Variants in SMAD4 observed in about 807,000 individuals in gnomAD.
SMAD4 encodes the protein SMAD family member 4.
A neutral mutation model predicts 63.2 loss-of-function variants in SMAD4; 7 were observed. The ratio of observed to expected loss-of-function variants is 0.11; its 90% CI spans 0.06 to 0.21. The LOEUF (loss-of-function observed/expected upper bound fraction) is 0.21, where lower values mean the gene tolerates loss of function less well. Among genes scored for constraint, SMAD4 ranks in the 10% least tolerant of loss-of-function variants. The pLI, the probability that SMAD4 is intolerant of heterozygous loss-of-function variation, is 1.00. For synonymous variants in SMAD4, 215 were observed against 235.4 expected, an observed-to-expected ratio of 0.91 and a Z score of 0.79; for missense variants, 312 against 693.8, an observed-to-expected ratio of 0.45 and a Z score of 6.18.
At position 51,084,905 on chromosome 18, in the gene SMAD4, G is replaced by A. The variant is rs1465749394; in HGVS notation, c.*6438G>A. ...CTTCTGCTTTGGGGACAACTGGTCAGTTGAAAGTCCCAGGAGTTCCTTTGT... is the reference window on the plus strand; with the variant it reads ...CTTCTGCTTTGGGGACAACTGGTCAATTGAAAGTCCCAGGAGTTCCTTTGT... On this transcript the variant is annotated 3_prime_UTR_variant, in exon 12 of 12. Transcript: ENST00000342988. 4.5e-6 allele frequency: 1 copy of A among 221,338 alleles called. No individual in the cohort carries two copies. Among genetic ancestry groups the A allele is most frequent in the East Asian group, 6.6e-5 (1 of 15,238 alleles). 13.7% of individuals were successfully genotyped at this position (221,338 alleles called of 1,614,324 possible). A position where few individuals can be genotyped will look rare whatever the true frequency, so the allele number is the denominator to read the frequency against.
chr18:51,074,085 C>T (rs78995516), intron 10 of SMAD4, among the ~76,000 whole-genome samples: 2,525 of 151,596 alleles, frequency 0.017, 77 homozygotes, highest in African/African-American at 0.055. Context: ...AAACAATGGG[C>T]AGAATAGACT....
intron 5 of SMAD4, among the ~76,000 whole-genome samples, chr18:51,055,359 G>A (rs1215492738): frequency 6.6e-6 from 1 of 152,108 alleles, no homozygotes; most frequent in Non-Finnish European, 1.5e-5. Flanking sequence ...TTAATGCGGT[G>A]TTCTTATTTT....
Position 51,037,082 on chromosome 18 carries a change from G to A in SMAD4, c.-128+6459G>A, listed in dbSNP as rs147174960. On this transcript the variant is annotated intron_variant, in intron 1 of 11. Transcript: ENST00000342988. ...GCCTGTAATCCCAGCTTCTTGGGAG[G>A]CTGAGGCAAGAGAATTGCTTGAGCC... Among the ~76,000 whole-genome samples the A allele has an allele frequency of 2.9e-3, 444 of 152,338 alleles. 1 individual carries two copies. The highest frequency in any genetic ancestry group is 9.7e-3 in the African/African-American group (403 of 41,596).
rs139526377 is a variant in SMAD4, at chr18:51,081,456, A to G, written c.*2989A>G. ...CCCCTGGTATACAAAGATAATGACAATAAATCACTGCCATATAACCTTGCT... is the reference window on the plus strand; with the variant it reads ...CCCCTGGTATACAAAGATAATGACAGTAAATCACTGCCATATAACCTTGCT... On this transcript the variant is annotated 3_prime_UTR_variant, in exon 12 of 12. Coordinates refer to ENST00000342988, the MANE Select transcript of SMAD4 (RefSeq NM_005359.6). 1.9e-3 allele frequency: 432 copies of G among 231,052 alleles called. 2 individuals are homozygous for G. Among genetic ancestry groups the G allele is most frequent in the African/African-American group, 4.6e-3 (210 of 45,318 alleles). The allele number at this position is 231,052 out of a possible 1,614,324, so 14.3% of individuals were successfully genotyped here.
intron 1 of SMAD4, among the ~76,000 whole-genome samples, chr18:51,040,762 C>A (rs1039318515): frequency 8.5e-5 from 13 of 152,212 alleles, no homozygotes; most frequent in Non-Finnish European, 1.6e-4. Flanking sequence ...AGAGGAAAAA[C>A]AACAGGCAGA....
Position 51,065,586 on chromosome 18 carries a change from A to T in SMAD4, c.1119A>T (p.Thr373=), listed in dbSNP as rs1166695591. Reference sequence around the variant, plus strand: ...GTCAACTCTCCAATGTCCACAGGACAGAAGCCATTGAGAGAGCAAGGTATT... The same window carrying T: ...GTCAACTCTCCAATGTCCACAGGACTGAAGCCATTGAGAGAGCAAGGTATT... ...CLGQLSNVHR[T]EAIERARLHI... Residue 373 remains threonine, a synonymous_variant, in exon 9 of 12, where the codon ACA becomes ACT. Coordinates refer to ENST00000342988, the MANE Select transcript of SMAD4 (RefSeq NM_005359.6). 1.2e-6 allele frequency: 2 copies of T among 1,614,228 alleles called. No individual in the cohort carries two copies. Among genetic ancestry groups the T allele is most frequent in the African/African-American group, 1.3e-5 (1 of 75,072 alleles).
At chr18:51,062,148 C>T (rs531561409) in intron 8 of SMAD4, among the ~76,000 whole-genome samples, 15 of 152,236 alleles carry the variant, frequency 9.9e-5, no homozygotes, top group African/African-American at 3.4e-4. Context: ...ATTCTTTTAA[C>T]GATATATATT....
intron 10 of SMAD4, among the ~76,000 whole-genome samples, chr18:51,069,640 G>A (rs1910263074): frequency 6.6e-6 from 1 of 152,202 alleles, no homozygotes; most frequent in Admixed American, 6.5e-5. Flanking sequence ...TTTGTCTCCT[G>A]AGGAAATTGA....
chr18:51,053,573 CT>C (rs558333066), intron 4 of SMAD4: 85 of 152,168 alleles, frequency 5.6e-4, no homozygotes, highest in African/African-American at 1.9e-3. Context: ...ATCTTCATGA[CT>C]TTTGATGCAT....
chr18:51,077,877 C>T (rs186764935), intron 11 of SMAD4, among the ~76,000 whole-genome samples: 275 of 152,238 alleles, frequency 1.8e-3, no homozygotes, highest in Non-Finnish European at 2.0e-3. Context: ...ATGTCTTATT[C>T]TGAACTAGGC....
intron 1 of SMAD4, among the ~76,000 whole-genome samples, chr18:51,034,743 T>C (rs1462925664): frequency 1.3e-5 from 2 of 150,784 alleles, no homozygotes; most frequent in African/African-American, 2.5e-5. Flanking sequence ...TGGGGGTCTC[T>C]CTCTGTTGCC....
intron 5 of SMAD4, among the ~76,000 whole-genome samples, chr18:51,057,244 A>G (rs941044319): frequency 6.6e-6 from 1 of 152,192 alleles, no homozygotes; most frequent in African/African-American, 2.4e-5. Context: ...GTTATAAATA[A>G]TTATAACTTT....
At chr18:51,048,644 G>A (rs2144404832) in intron 2 of SMAD4, 42 bp from the exon 3 acceptor site, 1 of 1,553,424 alleles carries the variant, frequency 6.4e-7, no homozygotes, top group African/African-American at 1.4e-5. Context: ...AAAGTGTCTT[G>A]CATAATGTGA....
intron 4 of SMAD4, chr18:51,051,084 G>T: frequency 6.4e-6 from 1 of 156,500 alleles, no homozygotes; most frequent in Non-Finnish European, 1.4e-5. Flanking sequence ...CCATGTTTTT[G>T]GAGAAAACGT....
At chr18:51,056,634 A>AAG (rs1555685811) in intron 5 of SMAD4, among the ~76,000 whole-genome samples, 11 of 149,778 alleles carry the variant, frequency 7.3e-5, no homozygotes, top group African/African-American at 2.7e-4. Context: ...AAAAAAAAAA[A>AAG]AAAAAAAAAA....
At chr18:51,070,164 ACT>A (rs1383236249) in intron 10 of SMAD4, among the ~76,000 whole-genome samples, 1 of 152,256 alleles carries the variant, frequency 6.6e-6, no homozygotes, top group Admixed American at 6.5e-5. Context: ...TTGAATATAT[ACT>A]GTGTGCCAGA....
In SMAD4 at chr18:51,065,574, T is replaced by C. The variant is rs764049211; in HGVS notation, c.1107T>C (p.Asn369=). Residue 369 remains asparagine (N), a synonymous_variant, in exon 9 of 12, where the codon AAT becomes AAC. Coordinates refer to ENST00000342988, the MANE Select transcript of SMAD4 (RefSeq NM_005359.6). ...GCTTTTGTTTGGGTCAACTCTCCAA[T>C]GTCCACAGGACAGAAGCCATTGAGA... ...GDRFCLGQLS[N]VHRTEAIERA... The C allele has an allele frequency of 1.2e-6, 2 of 1,614,236 alleles. No individual in the cohort carries two copies. Among genetic ancestry groups the C allele is most frequent in the South Asian group, 2.2e-5 (2 of 91,088 alleles).
At position 51,074,470 on chromosome 18, in the gene SMAD4, G is replaced by A. The variant is rs138406415; in HGVS notation, c.1309-2168G>A. ...ATAAATGTGTACAAACCCATAGAAT[G>A]TACAACACCAAGAGTGAACCCTTAC... On this transcript the variant is annotated intron_variant, in intron 10 of 11. Transcript: ENST00000342988. Among the ~76,000 whole-genome samples, 265 of 152,326 alleles carry A rather than the reference G, an allele frequency of 1.7e-3. 1 individual carries two copies. The highest frequency in any genetic ancestry group is 6.0e-3 in the African/African-American group (251 of 41,574).
intron 5 of SMAD4, among the ~76,000 whole-genome samples, chr18:51,055,579 G>A (rs1909823336): frequency 6.6e-6 from 1 of 151,992 alleles, no homozygotes; most frequent in Non-Finnish European, 1.5e-5. Flanking sequence ...CCATGTCATA[G>A]GAGGGAGAGG....
Sources: allele counts gnomAD v4.1 joint callset (sites outside exome capture counted in the v4.1 genomes callset), GRCh38; gene constraint gnomAD v4.1.1; transcripts MANE v1.5; gene names NCBI Gene and HGNC (gene_info 2026-07-23, HGNC 2026-07-21).